Variants in PCDHGC3 observed in about 807,000 individuals in gnomAD.
PCDHGC3 encodes the protein protocadherin gamma subfamily C, 3.
In PCDHGC3, 26 loss-of-function variants were observed where a neutral mutation model predicts 59.2. That is an observed-to-expected ratio of 0.44 (90% CI 0.32 to 0.61). PCDHGC3 has a LOEUF of 0.61. Ranked by LOEUF, PCDHGC3 falls within the 20% of genes least tolerant of loss-of-function variation. The pLI is 0.05. For synonymous variants in PCDHGC3, 487 were observed against 519.7 expected, an observed-to-expected ratio of 0.94 and a Z score of 0.86; for missense variants, 1,080 against 1,221.8, an observed-to-expected ratio of 0.88 and a Z score of 1.73.
intron 1 of PCDHGC3, among the ~76,000 whole-genome samples, chr5:141,492,781 T>A (rs945023154): frequency 6.6e-6 from 1 of 152,194 alleles, no homozygotes; most frequent in African/African-American, 2.4e-5. Context: ...TGAGTGAGCC[T>A]CTATAGGACA....
chr5:141,501,374 T>A (rs2099808767), intron 2 of PCDHGC3, among the ~76,000 whole-genome samples: 1 of 151,106 alleles, frequency 6.6e-6, no homozygotes. Context: ...CATCATCTCT[T>A]AAATCCTAGG....
rs202006594 is a variant in PCDHGC3, at chr5:141,477,618, C to A, written c.1502C>A (p.Ala501Asp). 15 of 1,614,176 alleles carry A rather than the reference C, an allele frequency of 9.3e-6. No homozygotes were observed. The African/African-American group carries it at 1.3e-4, about 14-fold the overall frequency. ...TCTTTCTTTCTCTTGGAGCAAGGAGCTGAAACCGGGCTAGTGGGTCGCTAT... is the reference window on the plus strand; with the variant it reads ...TCTTTCTTTCTCTTGGAGCAAGGAGATGAAACCGGGCTAGTGGGTCGCTAT... ...RLSFFLLEQGAETGLVGRYFT... is the reference protein window; with the variant it reads ...RLSFFLLEQGDETGLVGRYFT... The change falls in exon 1 of 4, where the codon GCT (alanine) becomes GAT (aspartate). Residue 501 changes from alanine (A) to aspartate (D), a missense_variant. Ala to Asp is a moderately radical substitution (Grantham distance 126). Coordinates refer to ENST00000308177, the MANE Select transcript of PCDHGC3 (RefSeq NM_002588.4). The surrounding 1 kb of genome is among the most constrained non-coding windows in gnomAD (Gnocchi z 4.9).
At chr5:141,479,200 AAAGT>A (rs1430087636) in intron 1 of PCDHGC3, 5 of 152,466 alleles carry the variant, frequency 3.3e-5, no homozygotes, top group African/African-American at 1.2e-4. Flanking sequence ...AAAATACAGA[AAAGT>A]ATTTAAAAAA....
chr5:141,505,681 G>A (rs113733387), intron 3 of PCDHGC3, among the ~76,000 whole-genome samples, 200 bp downstream of exon 3: 92 of 152,324 alleles, frequency 6.0e-4, no homozygotes, highest in African/African-American at 2.1e-3. Flanking sequence ...GGGGTCCTGG[G>A]ATGCCTGGAG....
In PCDHGC3 at chr5:141,485,275, G is replaced by C. The variant is rs77402299; in HGVS notation, c.2430+6729G>C. ...ACGTTTGTGGGCAGATCCGCTACCC[G>C]GTCCCAGAGGAGTCACAGGAAGGGA... On this transcript the variant is annotated intron_variant, in intron 1 of 3. Transcript: ENST00000308177. The surrounding 1 kb of genome is among the most constrained non-coding windows in gnomAD (Gnocchi z 5.7). The C allele has an allele frequency of 2.5e-6, 4 of 1,614,072 alleles. No individual in the cohort carries two copies. Among genetic ancestry groups the C allele is most frequent in the Admixed American group, 1.7e-5 (1 of 60,024 alleles).
chr5:141,499,881 T>A (rs2099795027), intron 2 of PCDHGC3, among the ~76,000 whole-genome samples: 1 of 152,082 alleles, frequency 6.6e-6, no homozygotes, highest in African/African-American at 2.4e-5. Flanking sequence ...ACAAACAGGG[T>A]TTCGCCATGT....
In PCDHGC3 at chr5:141,487,000, G is replaced by T. The variant is rs1410493699; in HGVS notation, c.2431-7807G>T. 2 of 1,614,076 alleles carry T rather than the reference G, an allele frequency of 1.2e-6. No homozygotes were observed. Among genetic ancestry groups the T allele is most frequent in the Non-Finnish European group, 1.7e-6 (2 of 1,180,044 alleles). On this transcript the variant is annotated intron_variant, in intron 1 of 3. Coordinates refer to ENST00000308177, the MANE Select transcript of PCDHGC3 (RefSeq NM_002588.4). The surrounding 1 kb of genome is among the most constrained non-coding windows in gnomAD (Gnocchi z 5.0). Reference sequence around the variant, plus strand: ...GTTACAATGCTTGGGTTTCCTATCAGCTCCTGGAGGCCCCAGATCCCAGCC... The same window carrying T: ...GTTACAATGCTTGGGTTTCCTATCATCTCCTGGAGGCCCCAGATCCCAGCC...
chr5:141,505,711 A>C (rs372711957), intron 3 of PCDHGC3, among the ~76,000 whole-genome samples: 17 of 152,058 alleles, frequency 1.1e-4, no homozygotes, highest in Admixed American at 2.6e-4. Context: ...CAAGGAAAAG[A>C]CTCATGGAGG....
At position 141,476,326 on chromosome 5, in the gene PCDHGC3, T is replaced by A. The variant is rs752845438; in HGVS notation, c.210T>A (p.Ser70=). ...SLSARRFRVV[S]GASRRFFEVN... is the part of the protein sequence containing the mutation. Reference sequence around the variant, plus strand: ...CAGCCCGCAGGTTCCGGGTGGTGTCTGGAGCTAGCCGAAGATTCTTTGAGG... The same window carrying A: ...CAGCCCGCAGGTTCCGGGTGGTGTCAGGAGCTAGCCGAAGATTCTTTGAGG... The change falls in exon 1 of 4, where the codon TCT becomes TCA. Residue 70 remains serine (S), a synonymous_variant. Coordinates refer to ENST00000308177, the MANE Select transcript of PCDHGC3 (RefSeq NM_002588.4). This position sits in a 1 kb window ranked among gnomAD's most constrained non-coding sequence, Gnocchi z 7.6. The A allele has an allele frequency of 6.2e-7, 1 of 1,614,120 alleles. No individual in the cohort carries two copies. Among genetic ancestry groups the A allele is most frequent in the Non-Finnish European group, 8.5e-7 (1 of 1,180,034 alleles).
chr5:141,482,472 CTG>C (rs2099561247), intron 1 of PCDHGC3, among the ~76,000 whole-genome samples: 2 of 136,856 alleles, frequency 1.5e-5, no homozygotes, highest in Non-Finnish European at 3.0e-5. Context: ...GTGCCAGACA[CTG>C]TAAACAATTA....
At chr5:141,500,929 C>T (rs1347340945) in intron 2 of PCDHGC3, among the ~76,000 whole-genome samples, 2 of 151,210 alleles carry the variant, frequency 1.3e-5, no homozygotes, top group South Asian at 2.1e-4. Flanking sequence ...GGTGCAGTGG[C>T]GCCATCTCGG....
At chr5:141,478,694 T>A (rs2099472305) in intron 1 of PCDHGC3, 148 bp downstream of exon 1, 1 of 1,550,598 alleles carries the variant, frequency 6.4e-7, no homozygotes, top group Admixed American at 2.0e-5. Flanking sequence ...TAGATCAAAG[T>A]TAGTGCCTTT....
intron 1 of PCDHGC3, 90 bp downstream of exon 1, chr5:141,478,636 T>G: frequency 1.3e-6 from 2 of 1,552,744 alleles, no homozygotes; most frequent in South Asian, 2.4e-5. Flanking sequence ...TTTTTAGTGA[T>G]GAAGATGTTT....
chr5:141,511,267 C>G lies in PCDHGC3; in HGVS notation c.*94C>G. The G allele has an allele frequency of 6.5e-7, 1 of 1,549,404 alleles. No homozygotes were observed. The highest frequency in any genetic ancestry group is 8.7e-7 in the Non-Finnish European group (1 of 1,146,836). On this transcript the variant is annotated 3_prime_UTR_variant, in exon 4 of 4. Coordinates refer to ENST00000308177, the MANE Select transcript of PCDHGC3 (RefSeq NM_002588.4). Reference sequence around the variant, plus strand: ...CCAGGCCTCAGAGTTTCAGGGCTAACCCCCAGAATACTGGTAGGGGCCAAG... The same window carrying G: ...CCAGGCCTCAGAGTTTCAGGGCTAAGCCCCAGAATACTGGTAGGGGCCAAG...
intron 1 of PCDHGC3, among the ~76,000 whole-genome samples, chr5:141,484,072 G>A (rs2099591675): frequency 6.6e-6 from 1 of 152,258 alleles, no homozygotes; most frequent in Admixed American, 6.5e-5. Flanking sequence ...TGAAAAGCTT[G>A]CTCTTTTGAA....
Position 141,508,665 on chromosome 5 carries a change from C to T in PCDHGC3, c.2579-2282C>T, listed in dbSNP as rs181641281. ...CGTCAGGCCCTTCCTGTCATTCTGT[C>T]TCTGCCTCCCTTCTCCCTGCTTCTC... On this transcript the variant is annotated intron_variant, in intron 3 of 3. Coordinates refer to ENST00000308177, the MANE Select transcript of PCDHGC3 (RefSeq NM_002588.4). Among the ~76,000 whole-genome samples the T allele has an allele frequency of 3.7e-3, 564 of 152,254 alleles. 5 individuals carry two copies. Among genetic ancestry groups the T allele is most frequent in the Admixed American group, 0.011 (164 of 15,296 alleles).
At position 141,511,248 on chromosome 5, in the gene PCDHGC3, C is replaced by T; in HGVS notation, c.*75C>T. ...AGCTTCTCCTTACCTGCACCCAGGC[C>T]TCAGAGTTTCAGGGCTAACCCCCAG... On this transcript the variant is annotated 3_prime_UTR_variant, in exon 4 of 4. Transcript: ENST00000308177. 6.4e-7 allele frequency: 1 copy of T among 1,574,736 alleles called. No homozygotes were observed. The highest frequency in any genetic ancestry group is 8.6e-7 in the Non-Finnish European group (1 of 1,160,336).
intron 2 of PCDHGC3, among the ~76,000 whole-genome samples, chr5:141,500,187 TA>T (rs56304898): frequency 0.051 from 5,679 of 110,700 alleles, 126 homozygotes; most frequent in Middle Eastern, 0.14. Flanking sequence ...TTTTTATTTT[TA>T]TTTATTTATT....
In PCDHGC3 at chr5:141,487,747, CTA is replaced by C. The variant is rs2099663990; in HGVS notation, c.2431-7058_2431-7057del. 1 of 1,558,062 alleles carries C rather than the reference CTA, an allele frequency of 6.4e-7. No individual in the cohort carries two copies. The highest frequency in any genetic ancestry group is 2.4e-5 in the East Asian group (1 of 41,708). On this transcript the variant is annotated intron_variant, in intron 1 of 3. Coordinates refer to ENST00000308177, the MANE Select transcript of PCDHGC3 (RefSeq NM_002588.4). This position sits in a 1 kb window ranked among gnomAD's most constrained non-coding sequence, Gnocchi z 5.0. ...ATGTCACCATTTTTGTAAGAGGTAA[CTA>C]TGTGGTAGACGCTGTGCTTTGTAAC... is the stretch of plus-strand genomic sequence containing the variant.
Sources: gnomAD v4.1 joint callset for allele counts (sites outside exome capture counted in the v4.1 genomes callset) on GRCh38, gnomAD v4.1.1 for gene constraint, Gnocchi (gnomAD v3.1) non-coding constraint, MANE v1.5 for transcripts, NCBI Gene and HGNC (gene_info 2026-07-23, HGNC 2026-07-21) for gene names.